TFCP2: variants seen among roughly 807,000 people sequenced by gnomAD.
TFCP2 encodes alpha-globin transcription factor CP2.
TFCP2 carries 33 observed loss-of-function variants against 73.4 expected under a neutral mutation model. The ratio of observed to expected loss-of-function variants is 0.45; its 90% confidence interval spans 0.34 to 0.60. The LOEUF is 0.60. Among genes scored for constraint, TFCP2 ranks in the 20% least tolerant of loss-of-function variants. The probability of loss-of-function intolerance (pLI) is 0.01; values close to 1 mark genes in which losing one functional copy is unlikely to be tolerated. For missense variants in TFCP2, 352 were observed against 604.0 expected (o/e 0.58, Z 4.37); for synonymous variants, 193 against 211.6 (o/e 0.91, Z 0.76).
At chr12:51,170,536 C>A (rs866212996) in intron 1 of TFCP2, among the ~76,000 whole-genome samples, 1 of 151,744 alleles carries the variant, frequency 6.6e-6, no homozygotes, top group Non-Finnish European at 1.5e-5. Context: ...TTGTGGAGAG[C>A]GGGTCTTGAA....
At chr12:51,121,400 CAG>C (rs1406213062) in intron 1 of TFCP2, among the ~76,000 whole-genome samples, 3 of 149,258 alleles carry the variant, frequency 2.0e-5, no homozygotes, top group African/African-American at 7.4e-5. Flanking sequence ...GCCCGGGAGA[CAG>C]AGCGAGACTC....
chr12:51,148,851 C>T (rs1374139077), intron 1 of TFCP2, among the ~76,000 whole-genome samples: 1 of 150,488 alleles, frequency 6.6e-6, no homozygotes, highest in Non-Finnish European at 1.5e-5. Flanking sequence ...ATGGCGAAAC[C>T]CTGTCTCTAC....
intron 1 of TFCP2, among the ~76,000 whole-genome samples, chr12:51,134,666 C>A (rs374839099): frequency 1.3e-5 from 2 of 152,164 alleles, no homozygotes; most frequent in African/African-American, 2.4e-5. Flanking sequence ...GTCTTTTGTG[C>A]CCCTTAGAAC....
At chr12:51,117,144 T>C (rs1940547402) in intron 3 of TFCP2, among the ~76,000 whole-genome samples, 1 of 152,184 alleles carries the variant, frequency 6.6e-6, no homozygotes, top group Admixed American at 6.5e-5. Context: ...TGAGGGTAGG[T>C]AGAGCCTGTT....
chr12:51,168,339 G>C (rs79733547), intron 1 of TFCP2, among the ~76,000 whole-genome samples: 7,208 of 152,132 alleles, frequency 0.047, 530 homozygotes, highest in African/African-American at 0.16. Context: ...TCAGGAATTC[G>C]AGGCAGCAGT....
intron 1 of TFCP2, among the ~76,000 whole-genome samples, chr12:51,146,908 A>G (rs1043495748): frequency 6.6e-6 from 1 of 152,252 alleles, no homozygotes; most frequent in Non-Finnish European, 1.5e-5. Flanking sequence ...CAGCACCTGC[A>G]TATGGGAGCA....
chr12:51,152,873 T>C (rs1484913190), intron 1 of TFCP2, among the ~76,000 whole-genome samples: 2 of 152,210 alleles, frequency 1.3e-5, no homozygotes, highest in African/African-American at 2.4e-5. Flanking sequence ...TACAATCATA[T>C]TGTTGTACAA....
chr12:51,159,019 A>G (rs1193525383), intron 1 of TFCP2, among the ~76,000 whole-genome samples: 1 of 148,284 alleles, frequency 6.7e-6, no homozygotes, highest in Non-Finnish European at 1.5e-5. Context: ...AAAAAAAAAA[A>G]AAAAAAAAAA....
chr12:51,155,758 T>C (rs1490672441), intron 1 of TFCP2, among the ~76,000 whole-genome samples: 1 of 152,206 alleles, frequency 6.6e-6, no homozygotes. Context: ...TGTTAGTCTA[T>C]AGGCCAGGCG....
chr12:51,133,361 G>T (rs1470367649), intron 1 of TFCP2, among the ~76,000 whole-genome samples: 2 of 151,798 alleles, frequency 1.3e-5, no homozygotes, highest in African/African-American at 2.4e-5. Context: ...GTGGGGTACA[G>T]TGGCGTAATC....
chr12:51,143,951 A>T (rs1455041904), intron 1 of TFCP2, among the ~76,000 whole-genome samples: 2 of 152,236 alleles, frequency 1.3e-5, no homozygotes, highest in East Asian at 1.9e-4. Flanking sequence ...ACATATGCCG[A>T]TGATGTCAAT....
At chr12:51,169,069 T>C (rs1030657919) in intron 1 of TFCP2, among the ~76,000 whole-genome samples, 2 of 152,006 alleles carry the variant, frequency 1.3e-5, no homozygotes, top group East Asian at 1.9e-4. Flanking sequence ...CCCAAAGTGT[T>C]TGGATTACAG....
chr12:51,157,686 C>CTTTTTTTTT (rs538061913), intron 1 of TFCP2, among the ~76,000 whole-genome samples: 2 of 96,094 alleles, frequency 2.1e-5, no homozygotes, highest in African/African-American at 8.5e-5. Flanking sequence ...CTTTTCTTTT[C>CTTTTTTTTT]TTTTTTTTTT....
At position 51,099,716 on chromosome 12, in the gene TFCP2, T is replaced by C. The variant is rs570657963; in HGVS notation, c.1215A>G (p.Gln405=). 7 of 1,614,172 alleles carry C rather than the reference T, an allele frequency of 4.3e-6. No individual in the cohort carries two copies. Among genetic ancestry groups the C allele is most frequent in the Non-Finnish European group, 5.9e-6 (7 of 1,180,018 alleles). ...CQESLQLREQ[Q]QQQQQQQQKH... ...TCTGCTGCTGTTGCTGCTGCTGTTG[T>C]TGCTGCTCCCTCAACTGCAGTGATT... Residue 405 remains glutamine, a synonymous_variant, in exon 12 of 15, where the codon CAA becomes CAG. Transcript: ENST00000257915.
chr12:51,115,908 T>C (rs373626662), intron 4 of TFCP2, among the ~76,000 whole-genome samples: 2 of 152,326 alleles, frequency 1.3e-5, no homozygotes, highest in South Asian at 4.1e-4. Flanking sequence ...AATGGGGAGT[T>C]GTTGTTTAAC....
chr12:51,144,739 T>C (rs1941257867), intron 1 of TFCP2, among the ~76,000 whole-genome samples: 1 of 152,138 alleles, frequency 6.6e-6, no homozygotes, highest in Non-Finnish European at 1.5e-5. Context: ...TACAGGAGAA[T>C]ATCTTGACAG....
At chr12:51,126,756 GC>G (rs1430518272) in intron 1 of TFCP2, among the ~76,000 whole-genome samples, 1 of 152,156 alleles carries the variant, frequency 6.6e-6, no homozygotes, top group African/African-American at 2.4e-5. Context: ...ACAAAAGCAT[GC>G]TAACATCCCT....
At chr12:51,153,603 T>C (rs1941475692) in intron 1 of TFCP2, among the ~76,000 whole-genome samples, 1 of 152,174 alleles carries the variant, frequency 6.6e-6, no homozygotes, top group African/African-American at 2.4e-5. Flanking sequence ...CAACATTCTA[T>C]CATTATGAAT....
At chr12:51,169,634 G>A (rs1941821539) in intron 1 of TFCP2, among the ~76,000 whole-genome samples, 1 of 152,124 alleles carries the variant, frequency 6.6e-6, no homozygotes, top group Non-Finnish European at 1.5e-5. Context: ...GAAGTGAGAG[G>A]ATCACTTGAG....
Sources: allele counts gnomAD v4.1 joint callset (sites outside exome capture counted in the v4.1 genomes callset), GRCh38; gene constraint gnomAD v4.1.1; transcripts MANE v1.5; gene names NCBI Gene and HGNC (gene_info 2026-07-23, HGNC 2026-07-21).